MYO5A: variants seen among roughly 807,000 people sequenced by gnomAD.
MYO5A encodes the protein unconventional myosin-Va.
In MYO5A, 98 loss-of-function variants were observed where a neutral mutation model predicts 249.7. The ratio of observed to expected loss-of-function variants is 0.39; its 90% CI spans 0.33 to 0.46. The LOEUF is 0.46. MYO5A is among the 20% of genes least tolerant of loss of function. The pLI, the probability that MYO5A is intolerant of heterozygous loss-of-function variation, is 0.98. For missense variants in MYO5A, 1,696 were observed against 2,308.8 expected, an observed-to-expected ratio of 0.73 and a Z score of 5.44; for synonymous variants, 778 against 810.6, an observed-to-expected ratio of 0.96 and a Z score of 0.68.
intron 13 of MYO5A, 146 bp downstream of exon 13, chr15:52,389,092 C>T (rs1247335721): frequency 1.4e-6 from 1 of 738,578 alleles, no homozygotes; most frequent in African/African-American, 1.8e-5. Context: ...GAAGAGAAAA[C>T]CAACATGTCA....
chr15:52,484,895 T>C (rs1208525502), intron 1 of MYO5A, among the ~76,000 whole-genome samples: 3 of 152,134 alleles, frequency 2.0e-5, no homozygotes, highest in African/African-American at 7.2e-5. Flanking sequence ...AATTTTTTTG[T>C]ATTTTTAGTA....
intron 1 of MYO5A, among the ~76,000 whole-genome samples, chr15:52,467,760 T>C (rs2076381009): frequency 6.6e-6 from 1 of 152,140 alleles, no homozygotes; most frequent in Non-Finnish European, 1.5e-5. Context: ...AAAAAAATTT[T>C]AAATCGGCAA....
At chr15:52,346,038 T>G (rs1162309705) in intron 30 of MYO5A, among the ~76,000 whole-genome samples, 1 of 152,230 alleles carries the variant, frequency 6.6e-6, no homozygotes, top group East Asian at 1.9e-4. Flanking sequence ...GAATAACAAA[T>G]GAAAGTGACT....
At chr15:52,324,902 T>C (rs1420990060) in intron 36 of MYO5A, among the ~76,000 whole-genome samples, 2 of 152,230 alleles carry the variant, frequency 1.3e-5, no homozygotes, top group African/African-American at 2.4e-5. Context: ...GTTCAGGTCC[T>C]GACTTTACCA....
At chr15:52,391,154 A>C (rs558210363) in intron 12 of MYO5A, among the ~76,000 whole-genome samples, 8 of 152,326 alleles carry the variant, frequency 5.3e-5, no homozygotes, top group Middle Eastern at 3.4e-3. Context: ...AGTATGTTGA[A>C]TGAATTCATG....
At chr15:52,445,934 A>AAC (rs1261909777) in intron 1 of MYO5A, among the ~76,000 whole-genome samples, 3 of 152,232 alleles carry the variant, frequency 2.0e-5, no homozygotes, top group African/African-American at 7.2e-5. Context: ...TTAAAGTTGG[A>AAC]ATATATATTT....
rs372474217 is a variant in MYO5A, at chr15:52,501,869, C to CAT, written c.27+26909_27+26910dup. ...ATACACACAGACACACACACACATA[C>CAT]ATATACTACACACACACACACACAC... On this transcript the variant is annotated intron_variant, in intron 1 of 41. Coordinates refer to ENST00000399233, the MANE Select transcript of MYO5A (RefSeq NM_001382347.1). 1.1e-3 allele frequency among the ~76,000 whole-genome samples: 129 copies of CAT among 118,996 alleles called. 1 individual carries two copies. The highest frequency in any genetic ancestry group is 4.4e-3 in the African/African-American group (125 of 28,592). 78.1% of individuals were successfully genotyped at this position (118,996 alleles called of 152,430 possible).
At chr15:52,422,978 A>G (rs2075312645) in intron 4 of MYO5A, among the ~76,000 whole-genome samples, 1 of 152,112 alleles carries the variant, frequency 6.6e-6, no homozygotes, top group Non-Finnish European at 1.5e-5. Flanking sequence ...CTGAACTCCG[A>G]GGCTTAAGTG....
chr15:52,369,145 C>T (rs1457503405), intron 22 of MYO5A, among the ~76,000 whole-genome samples: 1 of 152,124 alleles, frequency 6.6e-6, no homozygotes, highest in African/African-American at 2.4e-5. Flanking sequence ...TTACTGGAAC[C>T]TGTAATGCCA....
chr15:52,399,097 T>C (rs939784764), intron 9 of MYO5A, among the ~76,000 whole-genome samples: 1 of 152,190 alleles, frequency 6.6e-6, no homozygotes, highest in African/African-American at 2.4e-5. Context: ...TACATCAAGA[T>C]TGTTAACTGT....
chr15:52,474,307 C>G (rs2076542961), intron 1 of MYO5A, among the ~76,000 whole-genome samples: 1 of 152,320 alleles, frequency 6.6e-6, no homozygotes, highest in East Asian at 1.9e-4. Context: ...ATGGGGTTTT[C>G]TAAATATACA....
chr15:52,352,769 C>T (rs1055303288), intron 27 of MYO5A, among the ~76,000 whole-genome samples: 6 of 151,176 alleles, frequency 4.0e-5, no homozygotes, highest in African/African-American at 1.2e-4. Flanking sequence ...GGTGACAGAG[C>T]GAGACTCCAT....
rs538485335 is a variant in MYO5A at position 52,307,426 on chromosome 15, T to A, written c.*6270A>T. 6.6e-6 allele frequency: 1 copy of A among 152,308 alleles called. No individual in the cohort carries two copies. Among genetic ancestry groups the A allele is most frequent in the South Asian group, 2.1e-4 (1 of 4,834 alleles). 9.4% of individuals were successfully genotyped at this position (152,308 alleles called of 1,614,324 possible). ...TTCTGATATTGTTTTGGTTTTTATC[T>A]TAGCACTAGGTGATATCTAGTGAAA... On this transcript the variant is annotated 3_prime_UTR_variant, in exon 42 of 42. Coordinates refer to ENST00000399233, the MANE Select transcript of MYO5A (RefSeq NM_001382347.1).
intron 1 of MYO5A, among the ~76,000 whole-genome samples, chr15:52,526,433 T>C (rs1362442901): frequency 2.6e-5 from 4 of 152,058 alleles, no homozygotes; most frequent in Non-Finnish European, 5.9e-5. Flanking sequence ...GCGATCTTGG[T>C]TCACTGCAAC....
intron 34 of MYO5A, among the ~76,000 whole-genome samples, chr15:52,334,262 C>T (rs1022320837): frequency 5.9e-5 from 9 of 152,186 alleles, no homozygotes; most frequent in African/African-American, 1.9e-4. Flanking sequence ...TCAAAATTTA[C>T]TAAAGTATGG....
chr15:52,416,090 A>T, intron 5 of MYO5A, 55 bp downstream of exon 5: 1 of 1,598,688 alleles, frequency 6.3e-7, no homozygotes, highest in Non-Finnish European at 8.6e-7. Flanking sequence ...CAATTTTTTG[A>T]GCATGTTTCT....
intron 35 of MYO5A, among the ~76,000 whole-genome samples, chr15:52,328,335 CT>C (rs1264209003): frequency 6.6e-6 from 1 of 152,180 alleles, no homozygotes; most frequent in Non-Finnish European, 1.5e-5. Context: ...AAGGAACCTA[CT>C]TTTTTGGAAG....
At chr15:52,513,295 G>T (rs1478339838) in intron 1 of MYO5A, among the ~76,000 whole-genome samples, 2 of 151,284 alleles carry the variant, frequency 1.3e-5, no homozygotes, top group Non-Finnish European at 2.9e-5. Flanking sequence ...GCAGGGTGTG[G>T]TGCCATGTGC....
chr15:52,331,643 G>T, intron 34 of MYO5A: 1 of 983,580 alleles, frequency 1.0e-6, no homozygotes, highest in African/African-American at 1.7e-5. Flanking sequence ...AATTTCCTGG[G>T]TTAGTTCTGA....
Sources: allele counts gnomAD v4.1 joint callset (sites outside exome capture counted in the v4.1 genomes callset), GRCh38; gene constraint gnomAD v4.1.1; transcripts MANE v1.5; gene names NCBI Gene and HGNC (gene_info 2026-07-23, HGNC 2026-07-21).